The following FAM184B variants were observed in gnomAD, a reference collection of about 807,000 sequenced individuals.
FAM184B encodes family with sequence similarity 184 member B.
A neutral mutation model predicts 135.9 loss-of-function variants in FAM184B; 111 were observed. That is an observed-to-expected ratio of 0.82 (90% confidence interval 0.70 to 0.96). The LOEUF is 0.96. Among genes scored for constraint, FAM184B ranks in the 40% least tolerant of loss-of-function variants. The pLI is 0.00. For synonymous variants in FAM184B, 552 were observed against 524.8 expected (o/e 1.05, Z -0.71); for missense variants, 1,375 against 1,323.9 (o/e 1.04, Z -0.60).
intron 1 of FAM184B, among the ~76,000 whole-genome samples, chr4:17,771,234 C>G (rs1052487688): frequency 1.3e-5 from 2 of 152,154 alleles, no homozygotes; most frequent in South Asian, 4.1e-4. Flanking sequence ...AATGCTGATT[C>G]AGTTTTAAGA....
chr4:17,745,629 C>T (rs1205019737), intron 1 of FAM184B, among the ~76,000 whole-genome samples: 1 of 152,212 alleles, frequency 6.6e-6, no homozygotes, highest in Non-Finnish European at 1.5e-5. Context: ...AATAGGTGCA[C>T]CCTGCCTACT....
chr4:17,667,827 G>A (rs1716090135), intron 7 of FAM184B, among the ~76,000 whole-genome samples: 1 of 152,246 alleles, frequency 6.6e-6, no homozygotes, highest in South Asian at 2.1e-4. Context: ...ACCTGGTGCT[G>A]TTGCAGCTCT....
At chr4:17,757,123 T>A (rs1365880287) in intron 1 of FAM184B, among the ~76,000 whole-genome samples, 1 of 152,098 alleles carries the variant, frequency 6.6e-6, no homozygotes, top group Non-Finnish European at 1.5e-5. Flanking sequence ...ATCGAATCAA[T>A]CTTCTAGACA....
intron 7 of FAM184B, among the ~76,000 whole-genome samples, chr4:17,678,698 A>C (rs893842917): frequency 6.6e-6 from 1 of 152,118 alleles, no homozygotes; most frequent in Non-Finnish European, 1.5e-5. Flanking sequence ...TCATATGGTA[A>C]AAAAAGGAAC....
Position 17,675,992 on chromosome 4 carries a change from T to G in FAM184B, c.1597-11333A>C, listed in dbSNP as rs182301428. Among the ~76,000 whole-genome samples, 13 of 152,354 alleles carry G rather than the reference T, an allele frequency of 8.5e-5. No homozygotes were observed. In the East Asian group the frequency reaches 1.5e-3, roughly 18 times the overall value. On this transcript the variant is annotated intron_variant, in intron 7 of 17. Transcript: ENST00000265018. ...TGCTTTCTTATTACTCATGTGTCAC[T>G]GGAGTAGCACTATTCATTTCTTTCA...
chr4:17,642,266 G>T, intron 12 of FAM184B, 38 bp from the exon 13 acceptor site: 2 of 1,436,110 alleles, frequency 1.4e-6, no homozygotes, highest in Non-Finnish European at 1.8e-6. Flanking sequence ...TTCAGGAGGC[G>T]CAGGGGCAGA....
At chr4:17,725,630 A>C (rs1412757475) in intron 1 of FAM184B, among the ~76,000 whole-genome samples, 1 of 152,176 alleles carries the variant, frequency 6.6e-6, no homozygotes, top group African/African-American at 2.4e-5. Flanking sequence ...GGTTAAGTGT[A>C]AAGGCATCTC....
At chr4:17,735,129 A>T (rs1449904895) in intron 1 of FAM184B, among the ~76,000 whole-genome samples, 1 of 151,804 alleles carries the variant, frequency 6.6e-6, no homozygotes, top group Non-Finnish European at 1.5e-5. Context: ...GGAATTAAAC[A>T]ATGAAAACAC....
chr4:17,693,620 C>A (rs373607445), intron 5 of FAM184B, among the ~76,000 whole-genome samples: 5 of 152,046 alleles, frequency 3.3e-5, no homozygotes, highest in African/African-American at 9.7e-5. Flanking sequence ...AGGGGTGGGG[C>A]GGGGCAAATT....
At chr4:17,657,292 C>T (rs944527149) in intron 10 of FAM184B, among the ~76,000 whole-genome samples, 2 of 152,210 alleles carry the variant, frequency 1.3e-5, no homozygotes, top group African/African-American at 2.4e-5. Flanking sequence ...TTTTGCTTTC[C>T]CCTGGAGACA....
chr4:17,735,374 TA>T (rs573913638), intron 1 of FAM184B, among the ~76,000 whole-genome samples: 1,566 of 152,102 alleles, frequency 0.01, 23 homozygotes, highest in African/African-American at 0.036. Flanking sequence ...AGTTCGATTA[TA>T]AAAAAAATTT....
intron 1 of FAM184B, among the ~76,000 whole-genome samples, chr4:17,751,227 G>T (rs1718283019): frequency 6.9e-6 from 1 of 145,212 alleles, no homozygotes; most frequent in Non-Finnish European, 1.5e-5. Flanking sequence ...AGAATCACTT[G>T]AACCCGGGAG....
At position 17,632,643 on chromosome 4, in the gene FAM184B, T is replaced by C. The variant is rs1308773788; in HGVS notation, c.3090-18A>G. ...CTGGGGTCCTAAAAGCAAAAAAAGG[T>C]TTTTTTATATGGTTTTGAAAACTAT... On this transcript the variant is annotated intron_variant, in intron 17 of 17. Transcript: ENST00000265018. 2.8e-6 allele frequency: 3 copies of C among 1,079,778 alleles called. No individual in the cohort carries two copies. In the African/African-American group the frequency reaches 4.4e-5, roughly 16 times the overall value. The allele number at this position is 1,079,778 out of a possible 1,614,324, so 66.9% of individuals were successfully genotyped here.
At chr4:17,748,827 A>C (rs1718234367) in intron 1 of FAM184B, among the ~76,000 whole-genome samples, 1 of 151,294 alleles carries the variant, frequency 6.6e-6, no homozygotes, top group Non-Finnish European at 1.5e-5. Context: ...TTCCTGTATA[A>C]TTTTTTGTTT....
At chr4:17,648,348 CTTTT>C (rs766872438) in intron 11 of FAM184B, among the ~76,000 whole-genome samples, 19 of 151,328 alleles carry the variant, frequency 1.3e-4, no homozygotes, top group Non-Finnish European at 2.6e-4. Flanking sequence ...TATGTCAACT[CTTTT>C]TTATTTTTTT....
chr4:17,688,065 G>A (rs1422294181), intron 7 of FAM184B, among the ~76,000 whole-genome samples: 8 of 152,188 alleles, frequency 5.3e-5, no homozygotes, highest in African/African-American at 1.9e-4. Flanking sequence ...GACAGCCGGG[G>A]CAAGAGAGGG....
At chr4:17,671,580 A>T (rs1716169596) in intron 7 of FAM184B, among the ~76,000 whole-genome samples, 1 of 152,138 alleles carries the variant, frequency 6.6e-6, no homozygotes, top group Non-Finnish European at 1.5e-5. Flanking sequence ...GCTTTGTCTA[A>T]TGCATGGACA....
chr4:17,660,573 TAGG>T (rs1715893707), intron 8 of FAM184B, among the ~76,000 whole-genome samples: 1 of 151,994 alleles, frequency 6.6e-6, no homozygotes, highest in South Asian at 2.1e-4. Flanking sequence ...CAAGTACAAA[TAGG>T]GGGATTATAA....
intron 1 of FAM184B, among the ~76,000 whole-genome samples, chr4:17,766,691 C>A (rs947060465): frequency 1.3e-5 from 2 of 152,244 alleles, no homozygotes; most frequent in African/African-American, 2.4e-5. Flanking sequence ...AATCCCTTCG[C>A]TAGACATAAA....
Sources: allele counts gnomAD v4.1 joint callset (sites outside exome capture counted in the v4.1 genomes callset), GRCh38; gene constraint gnomAD v4.1.1; transcripts MANE v1.5; gene names NCBI Gene and HGNC (gene_info 2026-07-23, HGNC 2026-07-21).